DGKB: variants seen among roughly 807,000 people sequenced by gnomAD.
DGKB encodes the protein 90 kDa diacylglycerol kinase.
In DGKB, 67 loss-of-function variants were observed where a neutral mutation model predicts 114.3. That is an observed-to-expected ratio of 0.59 (90% CI 0.48 to 0.72). The LOEUF (loss-of-function observed/expected upper bound fraction) is 0.72. Ranked by LOEUF, DGKB falls within the 30% of genes least tolerant of loss-of-function variation. The pLI is 0.00. For synonymous variants in DGKB, 398 were observed against 323.1 expected (o/e 1.23, Z -2.49); for missense variants, 907 against 975.2 (o/e 0.93, Z 0.93).
chr7:14,827,394 G>A (rs1209866111), intron 2 of DGKB, among the ~76,000 whole-genome samples: 1 of 151,948 alleles, frequency 6.6e-6, no homozygotes, highest in African/African-American at 2.4e-5. Flanking sequence ...GAGAGGCCTA[G>A]AGCATTTGCG....
At chr7:14,582,614 T>TATGATG (rs1002414665) in intron 18 of DGKB, among the ~76,000 whole-genome samples, 1 of 151,902 alleles carries the variant, frequency 6.6e-6, no homozygotes, top group Non-Finnish European at 1.5e-5. Context: ...AAAAATTAGC[T>TATGATG]ATGATGATGA....
intron 23 of DGKB, chr7:14,191,883 C>A: frequency 3.8e-6 from 2 of 531,458 alleles, no homozygotes. Context: ...TGCCAGTTTG[C>A]TGAGCTGAAG....
At chr7:14,966,940 A>T (rs1273850819) in intron 1 of DGKB, among the ~76,000 whole-genome samples, 1 of 152,190 alleles carries the variant, frequency 6.6e-6, no homozygotes, top group Non-Finnish European at 1.5e-5. Flanking sequence ...TTCAAATTTC[A>T]TCTTAAGGAA....
At chr7:14,857,258 T>TTGTGTGTGTGTGTGCG (rs1850302776) in intron 1 of DGKB, among the ~76,000 whole-genome samples, 1 of 138,262 alleles carries the variant, frequency 7.2e-6, no homozygotes, top group Non-Finnish European at 1.6e-5. Context: ...CTGTGTGTGT[T>TTGTGTGTGTGTGTGCG]TGTGTGTGTG....
At chr7:14,242,809 G>T (rs1414515370) in intron 23 of DGKB, among the ~76,000 whole-genome samples, 1 of 150,746 alleles carries the variant, frequency 6.6e-6, no homozygotes, top group Admixed American at 6.6e-5. Context: ...CACTAAATTT[G>T]ATGAAAGTGT....
intron 21 of DGKB, among the ~76,000 whole-genome samples, chr7:14,419,219 G>A (rs572613589): frequency 6.6e-6 from 1 of 151,944 alleles, no homozygotes; most frequent in East Asian, 1.9e-4. Context: ...TATACTATGG[G>A]AAAAAGAAAA....
intron 20 of DGKB, among the ~76,000 whole-genome samples, chr7:14,547,117 C>CA (rs1235561545): frequency 6.6e-6 from 1 of 152,106 alleles, no homozygotes; most frequent in Non-Finnish European, 1.5e-5. Context: ...TTTTAAAGGT[C>CA]AAAATCCTTT....
intron 21 of DGKB, among the ~76,000 whole-genome samples, chr7:14,355,912 T>C (rs1197267944): frequency 4.6e-5 from 7 of 151,548 alleles, no homozygotes; most frequent in Non-Finnish European, 2.9e-5. Context: ...GGTCCTGGAC[T>C]TTTTTTGGTT....
intron 12 of DGKB, among the ~76,000 whole-genome samples, chr7:14,676,221 G>A (rs141840174): frequency 3.7e-4 from 57 of 152,058 alleles, no homozygotes; most frequent in African/African-American, 1.4e-3. Context: ...TTCCTGATCA[G>A]GTACTGCTTA....
intron 2 of DGKB, among the ~76,000 whole-genome samples, chr7:14,824,782 G>T (rs971099573): frequency 4.2e-4 from 63 of 151,612 alleles, no homozygotes; most frequent in African/African-American, 1.4e-3. Flanking sequence ...CATAGTATAT[G>T]AAGTTGTATA....
intron 23 of DGKB, among the ~76,000 whole-genome samples, chr7:14,255,381 T>C (rs543289707): frequency 1.5e-4 from 23 of 152,292 alleles, no homozygotes; most frequent in South Asian, 1.4e-3. Flanking sequence ...ACTCTTATGA[T>C]GATAAAGATC....
chr7:14,922,388 G>A (rs1455887405), intron 1 of DGKB, among the ~76,000 whole-genome samples: 1 of 150,928 alleles, frequency 6.6e-6, no homozygotes, highest in African/African-American at 2.4e-5. Context: ...GTGTGTGTGT[G>A]TGTGTGTGTG....
At chr7:14,681,962 C>T (rs992793611) in intron 12 of DGKB, among the ~76,000 whole-genome samples, 40 of 151,958 alleles carry the variant, frequency 2.6e-4, no homozygotes, top group Admixed American at 2.0e-3. Context: ...TTGGAAGAAG[C>T]GTAAGATGAA....
At position 14,577,474 on chromosome 7, in the gene DGKB, T is replaced by G. The variant is rs918208994; in HGVS notation, c.1610-3102A>C. 6.6e-5 allele frequency among the ~76,000 whole-genome samples: 10 copies of G among 151,902 alleles called. No individual in the cohort carries two copies. In the South Asian group the frequency reaches 1.0e-3, roughly 16 times the overall value. On this transcript the variant is annotated intron_variant, in intron 19 of 25. Transcript: ENST00000402815. ...CTACTAAAAGTACAAAAAATTAGCCTGGCAAGGTGGCGGGCGCCCGTAGTA... is the reference window on the plus strand; with the variant it reads ...CTACTAAAAGTACAAAAAATTAGCCGGGCAAGGTGGCGGGCGCCCGTAGTA...
At chr7:14,271,570 TA>T (rs535245044) in intron 23 of DGKB, among the ~76,000 whole-genome samples, 334 of 152,238 alleles carry the variant, frequency 2.2e-3, no homozygotes, top group African/African-American at 7.7e-3. Flanking sequence ...CAACCAAACT[TA>T]GGATCCCAGG....
rs566088423 is a variant in DGKB, at chr7:14,942,925, A to AT, written c.-188+31770dup. ...AAAGCCTGATCTAGCATTATATGTGATTTTTTTTTTCATTTGCTCATTGTC... is the reference window on the plus strand; with the variant it reads ...AAAGCCTGATCTAGCATTATATGTGATTTTTTTTTTTCATTTGCTCATTGTC... On this transcript the variant is annotated intron_variant, in intron 1 of 4. Coordinates refer to the DGKB transcript ENST00000437998. Among the ~76,000 whole-genome samples the AT allele has an allele frequency of 7.0e-3, 1,049 of 149,734 alleles. 6 individuals are homozygous for AT. Among genetic ancestry groups the AT allele is most frequent in the Admixed American group, 0.01 (156 of 14,922 alleles).
intron 1 of DGKB, among the ~76,000 whole-genome samples, chr7:14,942,764 T>C (rs1785636672): frequency 6.6e-6 from 1 of 152,048 alleles, no homozygotes; most frequent in Non-Finnish European, 1.5e-5. Flanking sequence ...TTATTTAATT[T>C]AGTCCTCAAT....
At chr7:14,379,378 G>A (rs1819015698) in intron 21 of DGKB, among the ~76,000 whole-genome samples, 1 of 150,626 alleles carries the variant, frequency 6.6e-6, no homozygotes, top group East Asian at 1.9e-4. Flanking sequence ...CCATCATTAG[G>A]CGACTCAAAG....
chr7:14,269,863 C>T (rs1192917924), intron 23 of DGKB, among the ~76,000 whole-genome samples: 2 of 151,874 alleles, frequency 1.3e-5, no homozygotes, highest in Admixed American at 1.3e-4. Flanking sequence ...GACTTTATAA[C>T]ACAGTTTCTT....
Sources: allele counts gnomAD v4.1 joint callset (sites outside exome capture counted in the v4.1 genomes callset), GRCh38; gene constraint gnomAD v4.1.1; transcripts MANE v1.5; gene names NCBI Gene and HGNC (gene_info 2026-07-23, HGNC 2026-07-21).